The following ST6GALNAC3 variants were observed in gnomAD, a reference collection of about 807,000 sequenced individuals.
ST6GALNAC3 encodes the protein alpha-N-acetylgalactosaminide alpha-2,6-sialyltransferase 3.
ST6GALNAC3 carries 25 observed loss-of-function variants against 32.7 expected under a neutral mutation model. That is an observed-to-expected ratio of 0.76 (90% CI 0.56 to 1.07). The LOEUF is 1.07. Among genes scored for constraint, ST6GALNAC3 ranks in the 50% least tolerant of loss-of-function variants. The probability of loss-of-function intolerance (pLI) is 0.00; values close to 1 mark genes in which losing one functional copy is unlikely to be tolerated. For synonymous variants in ST6GALNAC3, 129 were observed against 133.1 expected, an observed-to-expected ratio of 0.97 and a Z score of 0.21; for missense variants, 355 against 382.4, an observed-to-expected ratio of 0.93 and a Z score of 0.60.
At chr1:76,576,521 C>T (rs532383622) in intron 3 of ST6GALNAC3, among the ~76,000 whole-genome samples, 18 of 152,152 alleles carry the variant, frequency 1.2e-4, no homozygotes, top group African/African-American at 4.3e-4. Flanking sequence ...AGAAGCCAGA[C>T]ACATGCAGGT....
intron 3 of ST6GALNAC3, among the ~76,000 whole-genome samples, chr1:76,437,568 T>G (rs954372687): frequency 7.5e-5 from 10 of 133,098 alleles, no homozygotes; most frequent in African/African-American, 2.8e-4. Flanking sequence ...TTCTTTTCTT[T>G]CTTTTTTTTT....
chr1:76,342,244 A>C (rs1461800419), intron 2 of ST6GALNAC3, among the ~76,000 whole-genome samples: 12 of 152,162 alleles, frequency 7.9e-5, no homozygotes, highest in African/African-American at 2.7e-4. Context: ...ATTGCTGGGT[A>C]AAATGGTATT....
chr1:76,606,560 T>C (rs1340609725), intron 3 of ST6GALNAC3, among the ~76,000 whole-genome samples: 1 of 151,970 alleles, frequency 6.6e-6, no homozygotes, highest in African/African-American at 2.4e-5. Flanking sequence ...CTGGGTCCTG[T>C]CAGAGGGTGG....
intron 3 of ST6GALNAC3, among the ~76,000 whole-genome samples, chr1:76,501,626 C>T (rs547900768): frequency 8.5e-5 from 13 of 152,150 alleles, no homozygotes; most frequent in African/African-American, 2.4e-4. Context: ...ATAAATTAAA[C>T]GAAAGATAAA....
chr1:76,077,786 C>T (rs1321612357), intron 1 of ST6GALNAC3, among the ~76,000 whole-genome samples: 1 of 152,102 alleles, frequency 6.6e-6, no homozygotes, highest in Non-Finnish European at 1.5e-5. Context: ...GTCAGAAAGC[C>T]CTTCCTGTAT....
intron 1 of ST6GALNAC3, among the ~76,000 whole-genome samples, chr1:76,244,968 C>T (rs1225118012): frequency 1.3e-5 from 2 of 152,038 alleles, no homozygotes; most frequent in Non-Finnish European, 2.9e-5. Flanking sequence ...AGGGAGGAGT[C>T]CCTCTTTTTC....
chr1:76,193,915 A>C (rs1246668792), intron 1 of ST6GALNAC3, among the ~76,000 whole-genome samples: 1 of 152,112 alleles, frequency 6.6e-6, no homozygotes, highest in Admixed American at 6.5e-5. Flanking sequence ...AAGAACCTTA[A>C]TCTTATAGGA....
chr1:76,432,443 C>CTTTT (rs35527607), intron 3 of ST6GALNAC3, among the ~76,000 whole-genome samples: 5 of 57,190 alleles, frequency 8.7e-5, no homozygotes, highest in African/African-American at 2.1e-4. Flanking sequence ...CCTTTATTGC[C>CTTTT]TTTTTTTTTT....
intron 3 of ST6GALNAC3, among the ~76,000 whole-genome samples, chr1:76,575,116 G>T (rs965463324): frequency 2.0e-5 from 3 of 152,140 alleles, no homozygotes; most frequent in Admixed American, 6.6e-5. Flanking sequence ...AGCCAGTGAT[G>T]AAATGTGTTG....
chr1:76,447,846 A>G (rs939451680), intron 3 of ST6GALNAC3, among the ~76,000 whole-genome samples: 4 of 152,168 alleles, frequency 2.6e-5, no homozygotes, highest in Non-Finnish European at 5.9e-5. Flanking sequence ...AAACACCTGG[A>G]TGCCCAGGCA....
At chr1:76,133,716 A>G (rs1044097688) in intron 1 of ST6GALNAC3, among the ~76,000 whole-genome samples, 2 of 152,224 alleles carry the variant, frequency 1.3e-5, no homozygotes, top group African/African-American at 2.4e-5. Flanking sequence ...TGCTGATCTC[A>G]GGGGAGGATT....
At chr1:76,611,195 G>T (rs1264354445) in intron 3 of ST6GALNAC3, among the ~76,000 whole-genome samples, 2 of 151,090 alleles carry the variant, frequency 1.3e-5, no homozygotes, top group Non-Finnish European at 3.0e-5. Context: ...GTACTCTTAA[G>T]GTATAATAAT....
chr1:76,214,962 T>A (rs894324911), intron 1 of ST6GALNAC3, among the ~76,000 whole-genome samples: 3 of 152,162 alleles, frequency 2.0e-5, no homozygotes, highest in African/African-American at 7.2e-5. Flanking sequence ...AATCACTGTT[T>A]CTTCATCCTC....
chr1:76,076,155 C>T (rs895698495), intron 1 of ST6GALNAC3, among the ~76,000 whole-genome samples: 3 of 152,146 alleles, frequency 2.0e-5, no homozygotes, highest in African/African-American at 7.2e-5. Context: ...CCGGGAGGCT[C>T]TTAGCACAAG....
At chr1:76,446,790 G>A (rs1316258426) in intron 3 of ST6GALNAC3, among the ~76,000 whole-genome samples, 3 of 152,180 alleles carry the variant, frequency 2.0e-5, no homozygotes, top group Non-Finnish European at 2.9e-5. Flanking sequence ...ATCCCTGTAA[G>A]CCTTGATTTG....
chr1:76,270,092 G>A (rs753742675), intron 1 of ST6GALNAC3, among the ~76,000 whole-genome samples: 5 of 152,142 alleles, frequency 3.3e-5, no homozygotes, highest in African/African-American at 4.8e-5. Context: ...TCTCTGACAT[G>A]CTGAGAAAAA....
chr1:76,120,480 G>A (rs1648801819), intron 1 of ST6GALNAC3, among the ~76,000 whole-genome samples: 1 of 152,150 alleles, frequency 6.6e-6, no homozygotes, highest in Non-Finnish European at 1.5e-5. Context: ...TATGTTAGTG[G>A]CATACTTTGA....
chr1:76,470,614 T>C (rs921255672), intron 3 of ST6GALNAC3, among the ~76,000 whole-genome samples: 1 of 152,056 alleles, frequency 6.6e-6, no homozygotes, highest in African/African-American at 2.4e-5. Context: ...TCAAACAGAT[T>C]TTTCCCTCAT....
chr1:76,563,736 T>C (rs1029871263), intron 3 of ST6GALNAC3, among the ~76,000 whole-genome samples: 6 of 152,222 alleles, frequency 3.9e-5, no homozygotes, highest in African/African-American at 1.4e-4. Flanking sequence ...GATTTTATTA[T>C]GAAAATATAT....
Sources: gnomAD v4.1 joint callset for allele counts (sites outside exome capture counted in the v4.1 genomes callset) on GRCh38, gnomAD v4.1.1 for gene constraint, MANE v1.5 for transcripts, NCBI Gene and HGNC (gene_info 2026-07-23, HGNC 2026-07-21) for gene names.